Variants in GPLD1 observed in about 807,000 individuals in gnomAD.
The protein encoded by GPLD1 is phosphatidylinositol-glycan-specific phospholipase D.
In GPLD1, 84 loss-of-function variants were observed where a neutral mutation model predicts 112.6. The observed-to-expected ratio is 0.75, with a 90% CI of 0.63 to 0.89. The LOEUF is 0.89. Among genes scored for constraint, GPLD1 ranks in the 40% least tolerant of loss-of-function variants. GPLD1 has a pLI of 0.00. For synonymous variants in GPLD1, 386 were observed against 403.8 expected, an observed-to-expected ratio of 0.96 and a Z score of 0.53; for missense variants, 1,044 against 1,051.5, an observed-to-expected ratio of 0.99 and a Z score of 0.10.
chr6:24,450,201 A>G (rs1763037876), intron 14 of GPLD1, among the ~76,000 whole-genome samples: 1 of 152,212 alleles, frequency 6.6e-6, no homozygotes, highest in African/African-American at 2.4e-5. Flanking sequence ...CATTAAGCAC[A>G]AAACTTATCT....
At chr6:24,434,412 C>A (rs1762504384) in intron 22 of GPLD1, among the ~76,000 whole-genome samples, 1 of 149,340 alleles carries the variant, frequency 6.7e-6, no homozygotes, top group Admixed American at 6.7e-5. Flanking sequence ...AAAAAAGTTA[C>A]AAAATTATGC....
At chr6:24,450,908 G>A (rs1179698554) in intron 14 of GPLD1, among the ~76,000 whole-genome samples, 1 of 152,070 alleles carries the variant, frequency 6.6e-6, no homozygotes, top group Admixed American at 6.5e-5. Flanking sequence ...GGAGGCAGAG[G>A]TTGCAGTGAG....
In GPLD1 at chr6:24,473,791, A is replaced by G. The variant is rs545377080; in HGVS notation, c.442-124T>C. On this transcript the variant is annotated intron_variant, in intron 5 of 24. Coordinates refer to ENST00000230036, the MANE Select transcript of GPLD1 (RefSeq NM_001503.4). ...ATGAACTGCTGAGGACGCATAATAG[A>G]CTCAATTTTCACACTAACATTTTAT... 1,178 of 550,944 alleles carry G rather than the reference A, an allele frequency of 2.1e-3. 4 individuals carry two copies. Among genetic ancestry groups the G allele is most frequent in the Non-Finnish European group, 3.2e-3 (982 of 302,830 alleles). The allele number at this position is 550,944 out of a possible 1,614,324, so 34.1% of individuals were successfully genotyped here. A position where few individuals can be genotyped will look rare whatever the true frequency, so the allele number is the denominator to read the frequency against.
intron 14 of GPLD1, among the ~76,000 whole-genome samples, chr6:24,453,265 G>T (rs1763152033): frequency 6.6e-6 from 1 of 152,050 alleles, no homozygotes; most frequent in Non-Finnish European, 1.5e-5. Flanking sequence ...CCATAATTAT[G>T]TAAGATGTTA....
chr6:24,485,974 G>C (rs939158664), intron 2 of GPLD1, 101 bp downstream of exon 2: 4 of 748,226 alleles, frequency 5.3e-6, no homozygotes, highest in African/African-American at 5.3e-5. Context: ...CAGCCAAAAT[G>C]AGTCTTAAAA....
chr6:24,426,095 A>G lies in GPLD1; in HGVS notation c.*2937T>C, dbSNP rs1005768592. The G allele has an allele frequency of 2.0e-5, 3 of 152,214 alleles. No homozygotes were observed. Among genetic ancestry groups the G allele is most frequent in the Non-Finnish European group, 4.4e-5 (3 of 68,044 alleles). 9.4% of individuals were successfully genotyped at this position (152,214 alleles called of 1,614,324 possible). A position where few individuals can be genotyped will look rare whatever the true frequency, so the allele number is the denominator to read the frequency against. ...ACAATTCCTATCTTGAAGCCTTGAG[A>G]AAAGCTGTTACATATACGCAGATAG... On this transcript the variant is annotated 3_prime_UTR_variant, in exon 25 of 25. Coordinates refer to ENST00000230036, the MANE Select transcript of GPLD1 (RefSeq NM_001503.4).
At chr6:24,462,409 A>G (rs1763466883) in intron 11 of GPLD1, among the ~76,000 whole-genome samples, 2 of 152,190 alleles carry the variant, frequency 1.3e-5, no homozygotes, top group African/African-American at 4.8e-5. Context: ...TGCTAGGATT[A>G]CACGTATGAG....
chr6:24,462,801 G>A lies in GPLD1; in HGVS notation c.822-6C>T. 5.0e-6 allele frequency: 8 copies of A among 1,605,492 alleles called. No homozygotes were observed. The highest frequency in any genetic ancestry group is 6.8e-6 in the Non-Finnish European group (8 of 1,172,160). On this transcript the variant is annotated splice_polypyrimidine_tract_variant and splice_region_variant and intron_variant, in intron 10 of 24. Coordinates refer to ENST00000230036, the MANE Select transcript of GPLD1 (RefSeq NM_001503.4). ...TCTCAGGCAGGTTGCAGTCACTGAG[G>A]AAACAGTCAAATGAGTTAGCCATTT...
At chr6:24,484,457 C>G (rs1764307534) in intron 2 of GPLD1, among the ~76,000 whole-genome samples, 2 of 152,156 alleles carry the variant, frequency 1.3e-5, no homozygotes, top group African/African-American at 4.8e-5. Flanking sequence ...CTCACGTGAT[C>G]CACCCACCTT....
intron 7 of GPLD1, among the ~76,000 whole-genome samples, chr6:24,471,346 A>G (rs562640988): frequency 1.3e-5 from 2 of 152,232 alleles, no homozygotes; most frequent in South Asian, 4.1e-4. Context: ...ACATTAAAAA[A>G]TTAGCCAGGT....
In GPLD1 at chr6:24,437,252, T is replaced by C; in HGVS notation, c.2058A>G (p.Leu686=). 1.9e-6 allele frequency: 3 copies of C among 1,614,110 alleles called. No homozygotes were observed. The highest frequency in any genetic ancestry group is 2.5e-6 in the Non-Finnish European group (3 of 1,180,006). Residue 686 remains leucine, a synonymous_variant, in exon 21 of 25, where the codon CTA becomes CTG. Coordinates refer to ENST00000230036, the MANE Select transcript of GPLD1 (RefSeq NM_001503.4). ...ACATGCGAGTGGCTCCGCCTTGGTG[T>C]AGGGTCACGGTCAGGAATGCCACCT... ...VSKVAFLTVT[L]HQGGATRMYA... is the part of the protein sequence containing the mutation.
chr6:24,446,688 G>T, intron 18 of GPLD1, 150 bp downstream of exon 18: 1 of 618,476 alleles, frequency 1.6e-6, no homozygotes, highest in South Asian at 3.1e-5. Flanking sequence ...CTAAGGAGGA[G>T]AATTTGCAAT....
intron 7 of GPLD1, among the ~76,000 whole-genome samples, chr6:24,470,047 A>G (rs1763748083): frequency 6.6e-6 from 1 of 152,114 alleles, no homozygotes; most frequent in South Asian, 2.1e-4. Context: ...AAACCCTGGG[A>G]GGTAAGCAAA....
At chr6:24,454,756 G>A (rs946629238) in intron 13 of GPLD1, among the ~76,000 whole-genome samples, 12 of 152,226 alleles carry the variant, frequency 7.9e-5, no homozygotes, top group African/African-American at 2.9e-4. Context: ...GATAAACCGA[G>A]TCAAAGGTTC....
At chr6:24,424,047 G>A (rs369255635), downstream of GPLD1, 55 of 159,848 alleles carry the variant, frequency 3.4e-4, 1 homozygote, top group South Asian at 9.6e-3. Context: ...AACTTGACAA[G>A]CCCATAGGTA....
chr6:24,437,593 T>TGACA (rs981428105), intron 20 of GPLD1, among the ~76,000 whole-genome samples: 3 of 152,210 alleles, frequency 2.0e-5, no homozygotes, highest in Non-Finnish European at 2.9e-5. Flanking sequence ...CCCCCATGAC[T>TGACA]GACACATCCA....
intron 10 of GPLD1, among the ~76,000 whole-genome samples, chr6:24,466,188 T>C (rs1054976423): frequency 5.9e-5 from 9 of 152,124 alleles, no homozygotes; most frequent in African/African-American, 2.2e-4. Context: ...CTACTAAAAA[T>C]ACAAAAAAAT....
chr6:24,425,508 A>G (rs1762203820), downstream of GPLD1: 1 of 152,240 alleles, frequency 6.6e-6, no homozygotes, highest in Admixed American at 6.5e-5. Flanking sequence ...TCAAAATATC[A>G]ACTAGTTCCA....
At chr6:24,434,230 T>A (rs1762499466) in intron 22 of GPLD1, among the ~76,000 whole-genome samples, 2 of 151,906 alleles carry the variant, frequency 1.3e-5, no homozygotes, top group Admixed American at 1.3e-4. Flanking sequence ...AAACCCCGTC[T>A]CTACTAAAAA....
Sources: allele counts gnomAD v4.1 joint callset (sites outside exome capture counted in the v4.1 genomes callset), GRCh38; gene constraint gnomAD v4.1.1; transcripts MANE v1.5; gene names NCBI Gene and HGNC (gene_info 2026-07-23, HGNC 2026-07-21).